SDK2: variants seen among roughly 807,000 people sequenced by gnomAD.
The protein encoded by SDK2 is protein sidekick-2.
Under a neutral mutation model 253.9 loss-of-function variants are expected in SDK2, and 105 were observed. That is an observed-to-expected ratio of 0.41 (90% CI 0.35 to 0.49). The LOEUF is 0.49. SDK2 is among the 20% of genes least tolerant of loss of function. SDK2 has a pLI of 0.06. For missense variants in SDK2, 2,608 were observed against 3,003.0 expected, an observed-to-expected ratio of 0.87 and a Z score of 3.07; for synonymous variants, 1,249 against 1,234.9, an observed-to-expected ratio of 1.01 and a Z score of -0.24.
intron 1 of SDK2, among the ~76,000 whole-genome samples, chr17:73,515,578 C>T (rs1599639674): frequency 6.6e-6 from 1 of 152,286 alleles, no homozygotes; most frequent in East Asian, 1.9e-4. Flanking sequence ...GGGAGAGAAG[C>T]CTGGAAATGG....
At chr17:73,577,453 G>A (rs2145876789) in intron 1 of SDK2, among the ~76,000 whole-genome samples, 1 of 152,348 alleles carries the variant, frequency 6.6e-6, no homozygotes, top group East Asian at 1.9e-4. Context: ...GAAGCCGTAA[G>A]TTCAGTGGGG....
intron 1 of SDK2, among the ~76,000 whole-genome samples, chr17:73,543,782 A>C (rs535413789): frequency 6.6e-6 from 1 of 152,346 alleles, no homozygotes; most frequent in East Asian, 1.9e-4. Context: ...CCCTCCAGGA[A>C]TCCCAAGGTG....
chr17:73,643,915 G>T lies in SDK2; in HGVS notation c.64+110C>A. On this transcript the variant is annotated intron_variant, in intron 1 of 44. Coordinates refer to ENST00000392650, the MANE Select transcript of SDK2 (RefSeq NM_001144952.2). This position sits in a 1 kb window ranked among gnomAD's most constrained non-coding sequence, Gnocchi z 6.9. ...ACTCCCTGGAGAGGGCTCTGCCACGGCTAAGCCGGGTGTCCAGGAGGTCAC... is the reference window on the plus strand; with the variant it reads ...ACTCCCTGGAGAGGGCTCTGCCACGTCTAAGCCGGGTGTCCAGGAGGTCAC... 2 of 979,320 alleles carry T rather than the reference G, an allele frequency of 2.0e-6. No homozygotes were observed. Among genetic ancestry groups the T allele is most frequent in the Non-Finnish European group, 3.1e-6 (2 of 644,376 alleles). 60.7% of individuals were successfully genotyped at this position (979,320 alleles called of 1,614,324 possible). A position where few individuals can be genotyped will look rare whatever the true frequency, so the allele number is the denominator to read the frequency against.
chr17:73,585,867 G>A (rs368820409), intron 1 of SDK2, among the ~76,000 whole-genome samples: 16 of 152,052 alleles, frequency 1.1e-4, no homozygotes, highest in Non-Finnish European at 1.9e-4. Context: ...CAATTTCCAC[G>A]TCTCTAACAT....
chr17:73,343,906 A>C (rs1183765418), intron 44 of SDK2, among the ~76,000 whole-genome samples: 1 of 152,162 alleles, frequency 6.6e-6, no homozygotes, highest in African/African-American at 2.4e-5. Flanking sequence ...TCACCTTGTG[A>C]AACTCCGTGG....
At position 73,341,563 on chromosome 17, in the gene SDK2, C is replaced by T. The variant is rs571224006; in HGVS notation, c.6166-2623G>A. On this transcript the variant is annotated intron_variant, in intron 44 of 44. Coordinates refer to ENST00000392650, the MANE Select transcript of SDK2 (RefSeq NM_001144952.2). ...AATGCCCCTGCCTGGGGGCAGTTAG[C>T]GAATCACAGCAATCCAAGTAGAACA... Among the ~76,000 whole-genome samples the T allele has an allele frequency of 1.8e-4, 27 of 152,264 alleles. No individual in the cohort carries two copies. In the South Asian group the frequency reaches 3.9e-3, roughly 22 times the overall value.
chr17:73,566,189 C>T (rs2045309154), intron 1 of SDK2, among the ~76,000 whole-genome samples: 1 of 152,172 alleles, frequency 6.6e-6, no homozygotes, highest in Admixed American at 6.5e-5. Flanking sequence ...CTCCATCTGA[C>T]ACATCTGCTC....
chr17:73,536,204 G>C (rs1187718450), intron 1 of SDK2, among the ~76,000 whole-genome samples: 1 of 152,124 alleles, frequency 6.6e-6, no homozygotes, highest in Non-Finnish European at 1.5e-5. Context: ...CCTGAGATTT[G>C]CATTTCTAGC....
intron 2 of SDK2, among the ~76,000 whole-genome samples, chr17:73,479,398 G>A (rs1200825406): frequency 6.6e-6 from 1 of 152,244 alleles, no homozygotes; most frequent in East Asian, 1.9e-4. Context: ...GCCTGTTCCT[G>A]CAGCAGGAAG....
At chr17:73,375,408 TTTG>T (rs1253423754) in intron 36 of SDK2, among the ~76,000 whole-genome samples, 8 of 151,840 alleles carry the variant, frequency 5.3e-5, no homozygotes, top group African/African-American at 1.9e-4. Flanking sequence ...CCCGGCTAAT[TTTG>T]TTGTTGTTTT....
At chr17:73,598,715 C>A (rs1035566537) in intron 1 of SDK2, among the ~76,000 whole-genome samples, 1 of 152,198 alleles carries the variant, frequency 6.6e-6, no homozygotes, top group Admixed American at 6.5e-5. Context: ...AGCCCATCCC[C>A]CTCCAGGGAC....
At chr17:73,339,469 G>A (rs550142248) in intron 44 of SDK2, among the ~76,000 whole-genome samples, 12 of 151,860 alleles carry the variant, frequency 7.9e-5, no homozygotes, top group Non-Finnish European at 1.6e-4. Flanking sequence ...TGATCCACCC[G>A]CTTCACCCTC....
In SDK2 at chr17:73,433,408, C is replaced by T. The variant is rs565924545; in HGVS notation, c.1312+324G>A. 9.9e-5 allele frequency among the ~76,000 whole-genome samples: 15 copies of T among 152,250 alleles called. No individual in the cohort carries two copies. The South Asian group carries it at 3.1e-3, about 32-fold the overall frequency. ...AGCGATTCTCCTATCTCAGCCCCTT[C>T]CCCAAGTAGCTGGGATTACAGGCAA... On this transcript the variant is annotated intron_variant, in intron 10 of 44. Coordinates refer to ENST00000392650, the MANE Select transcript of SDK2 (RefSeq NM_001144952.2).
In SDK2 at chr17:73,438,045, C is replaced by A. The variant is rs765696082; in HGVS notation, c.835G>T (p.Ala279Ser). The A allele has an allele frequency of 5.1e-5, 79 of 1,551,538 alleles. No homozygotes were observed. The highest frequency in any genetic ancestry group is 2.1e-4 in the South Asian group (18 of 84,076). Residue 279 changes from alanine to serine, a missense_variant, in exon 7 of 45, where the codon GCC becomes TCC. Transcript: ENST00000392650. ...LTIPNPTGSD[A>S]GYYECEAVLR... ...ACAGCCTCACACTCGTAGTAGCCGG[C>A]GTCACTGCCGGTGGGGTTGGGGATG...
intron 1 of SDK2, among the ~76,000 whole-genome samples, chr17:73,587,640 C>T (rs562761141): frequency 5.9e-5 from 9 of 152,286 alleles, no homozygotes; most frequent in East Asian, 3.9e-4. Flanking sequence ...AGCCGAGCTC[C>T]GCAGCCTCTC....
At chr17:73,472,267 G>T (rs1329002507) in intron 2 of SDK2, 49 bp from the exon 3 acceptor site, 2 of 1,392,642 alleles carry the variant, frequency 1.4e-6, no homozygotes, top group Non-Finnish European at 2.0e-6. Flanking sequence ...AGCTGCAGGG[G>T]TACAGAGGTC....
At chr17:73,603,313 C>T (rs914413079) in intron 1 of SDK2, among the ~76,000 whole-genome samples, 7 of 152,154 alleles carry the variant, frequency 4.6e-5, no homozygotes, top group African/African-American at 1.7e-4. Context: ...CCTGGCCATG[C>T]GGGCAGAGGC....
At chr17:73,617,643 C>G (rs1309698174) in intron 1 of SDK2, among the ~76,000 whole-genome samples, 2 of 152,180 alleles carry the variant, frequency 1.3e-5, no homozygotes, top group East Asian at 1.9e-4. Flanking sequence ...ATTTACCAAC[C>G]CCCTGCCAAT....
At chr17:73,634,405 TAA>T (rs2046305824) in intron 1 of SDK2, among the ~76,000 whole-genome samples, 6 of 152,204 alleles carry the variant, frequency 3.9e-5, no homozygotes, top group Admixed American at 3.3e-4. Flanking sequence ...CTAACAATGT[TAA>T]TAACATTAAT....
Sources: gnomAD v4.1 joint callset for allele counts (sites outside exome capture counted in the v4.1 genomes callset) on GRCh38, gnomAD v4.1.1 for gene constraint, Gnocchi (gnomAD v3.1) non-coding constraint, MANE v1.5 for transcripts, NCBI Gene and HGNC (gene_info 2026-07-23, HGNC 2026-07-21) for gene names.